Variants in UIMC1 observed in about 807,000 individuals in gnomAD.
UIMC1 encodes BRCA1-A complex subunit RAP80.
Under a neutral mutation model 84.9 loss-of-function variants are expected in UIMC1, and 42 were observed. That is an observed-to-expected ratio of 0.49 (90% CI 0.39 to 0.64). The LOEUF (loss-of-function observed/expected upper bound fraction) is 0.64. UIMC1 is among the 30% of genes least tolerant of loss of function. UIMC1 has a pLI of 0.00. For synonymous variants in UIMC1, 281 were observed against 293.0 expected, an observed-to-expected ratio of 0.96 and a Z score of 0.42; for missense variants, 825 against 847.6, an observed-to-expected ratio of 0.97 and a Z score of 0.33.
intron 9 of UIMC1, among the ~76,000 whole-genome samples, chr5:176,947,634 C>T (rs933493117): frequency 6.6e-6 from 1 of 151,864 alleles, no homozygotes; most frequent in African/African-American, 2.4e-5. Context: ...CTGGCTAACA[C>T]GGTGAAACCC....
intron 10 of UIMC1, among the ~76,000 whole-genome samples, chr5:176,918,845 C>T (rs1457470588): frequency 1.3e-5 from 2 of 152,160 alleles, no homozygotes; most frequent in Non-Finnish European, 2.9e-5. Flanking sequence ...TAAATACAGC[C>T]CTCCTACTTA....
intron 10 of UIMC1, among the ~76,000 whole-genome samples, chr5:176,933,463 T>C (rs560145156): frequency 1.2e-4 from 19 of 152,300 alleles, no homozygotes; most frequent in African/African-American, 4.6e-4. Flanking sequence ...ACATATAATC[T>C]AGTAATTACA....
intron 10 of UIMC1, among the ~76,000 whole-genome samples, chr5:176,927,610 G>A (rs967470636): frequency 1.3e-4 from 20 of 152,072 alleles, no homozygotes; most frequent in Non-Finnish European, 2.2e-4. Context: ...CACATGAAAC[G>A]CAATATGTAA....
At chr5:176,928,241 T>G (rs1310566315) in intron 10 of UIMC1, among the ~76,000 whole-genome samples, 2 of 152,154 alleles carry the variant, frequency 1.3e-5, no homozygotes, top group Non-Finnish European at 2.9e-5. Context: ...CAGAGTTGAG[T>G]AGCAGTGGCA....
At chr5:176,967,353 A>C (rs1768459932) in intron 6 of UIMC1, among the ~76,000 whole-genome samples, 1 of 152,156 alleles carries the variant, frequency 6.6e-6, no homozygotes. Context: ...TTAGGATATT[A>C]AATGAAAAAA....
chr5:176,943,297 A>G, intron 10 of UIMC1, 38 bp downstream of exon 10: 1 of 1,601,010 alleles, frequency 6.2e-7, no homozygotes, highest in Non-Finnish European at 8.5e-7. Context: ...ACCACCACAC[A>G]AAAAAGTAAG....
intron 10 of UIMC1, among the ~76,000 whole-genome samples, chr5:176,915,974 G>A (rs1188299652): frequency 1.3e-5 from 2 of 152,100 alleles, no homozygotes; most frequent in African/African-American, 4.8e-5. Flanking sequence ...AATTTGAAGG[G>A]AGAGACTTGA....
rs115060207 is a variant in UIMC1 at position 176,922,859 on chromosome 5, T to C, written c.1598-11470A>G. On this transcript the variant is annotated intron_variant, in intron 10 of 14. Coordinates refer to ENST00000511320, the MANE Select transcript of UIMC1 (RefSeq NM_001199298.2). ...AAGTACTAGTAAGGAAGTAGATCAG[T>C]AAAAGTGCACCTCTTAAGAGAACAG... Among the ~76,000 whole-genome samples the C allele has an allele frequency of 4.0e-3, 613 of 152,372 alleles. 6 individuals carry two copies. The highest frequency in any genetic ancestry group is 0.014 in the African/African-American group (587 of 41,594).
At chr5:176,967,456 C>T (rs75092556) in intron 6 of UIMC1, among the ~76,000 whole-genome samples, 1 of 152,050 alleles carries the variant, frequency 6.6e-6, no homozygotes, top group Non-Finnish European at 1.5e-5. Flanking sequence ...TGGAAGGATA[C>T]ACTAGAACTA....
intron 1 of UIMC1, among the ~76,000 whole-genome samples, chr5:176,990,279 T>A (rs1467398264): frequency 1.3e-5 from 2 of 151,714 alleles, no homozygotes; most frequent in African/African-American, 4.8e-5. Flanking sequence ...AAGAGAGGCC[T>A]AAGAGAACCT....
chr5:176,905,425 C>G lies in UIMC1; in HGVS notation c.2017G>C (p.Asp673His). The G allele has an allele frequency of 6.2e-7, 1 of 1,614,154 alleles. No individual in the cohort carries two copies. Among genetic ancestry groups the G allele is most frequent in the Non-Finnish European group, 8.5e-7 (1 of 1,180,012 alleles). The change falls in exon 15 of 15, where the codon GAC (aspartate) becomes CAC (histidine). Residue 673 changes from aspartate to histidine, a missense_variant. Asp to His is a moderately conservative substitution (Grantham distance 81, BLOSUM62 -1). Coordinates refer to ENST00000511320, the MANE Select transcript of UIMC1 (RefSeq NM_001199298.2). ...GACTTGACGGGAGATTCATTTAAGT[C>G]ACGACGTGTGAAAGAACTCTGCATC... The part of the protein sequence containing the change: ...REMQSSFTRR[D>H]LNESPVKSFV...
Position 176,906,012 on chromosome 5 carries a change from T to C in UIMC1, c.1948A>G (p.Arg650Gly), listed in dbSNP as rs1250705462. ...DIKSSETGAF[R>G]VPSPGMEEAG... ...AATTCAGTGCACAATCCAATTCACC[T>C]GAAGGCTCCTGTTTCTGAAGACTTG... Residue 650 changes from arginine to glycine, a missense_variant and splice_region_variant, in exon 14 of 15, where the codon AGG (arginine) becomes GGG (glycine). By Grantham distance (125) the Arg-to-Gly change is moderately radical. Coordinates refer to ENST00000511320, the MANE Select transcript of UIMC1 (RefSeq NM_001199298.2). 4 of 1,613,960 alleles carry C rather than the reference T, an allele frequency of 2.5e-6. No individual in the cohort carries two copies. Among genetic ancestry groups the C allele is most frequent in the Non-Finnish European group, 3.4e-6 (4 of 1,179,962 alleles).
At chr5:176,995,843 C>CA (rs34672103) in intron 1 of UIMC1, among the ~76,000 whole-genome samples, 812 of 79,438 alleles carry the variant, frequency 0.01, 9 homozygotes, top group African/African-American at 0.024. Flanking sequence ...AACTCCATCT[C>CA]AAAAAAAAAA....
At chr5:177,003,014 A>G (rs1435011801) in intron 1 of UIMC1, among the ~76,000 whole-genome samples, 2 of 152,090 alleles carry the variant, frequency 1.3e-5, no homozygotes, top group Non-Finnish European at 2.9e-5. Context: ...CAGGATACGC[A>G]CCTATAAATA....
intron 10 of UIMC1, among the ~76,000 whole-genome samples, chr5:176,941,471 A>C (rs1323086872): frequency 1.3e-5 from 2 of 152,228 alleles, no homozygotes; most frequent in East Asian, 3.8e-4. Context: ...AAAAATCAAC[A>C]AATTTATTAA....
chr5:176,936,690 G>A (rs1295253040), intron 10 of UIMC1, among the ~76,000 whole-genome samples: 1 of 152,048 alleles, frequency 6.6e-6, no homozygotes, highest in Admixed American at 6.6e-5. Context: ...ACACCTCAGG[G>A]TTTTTGCATT....
intron 2 of UIMC1, among the ~76,000 whole-genome samples, chr5:176,977,582 C>CAAA (rs1270486136): frequency 1.0e-4 from 5 of 47,762 alleles, no homozygotes; most frequent in Admixed American, 6.0e-4. Context: ...GACTCCATCT[C>CAAA]AAAAAAAAAA....
chr5:176,911,415 A>G, intron 10 of UIMC1, 26 bp from the exon 11 acceptor site: 1 of 1,449,338 alleles, frequency 6.9e-7, no homozygotes, highest in Non-Finnish European at 9.2e-7. Flanking sequence ...ATATATATAT[A>G]TACACATAGT....
intron 10 of UIMC1, among the ~76,000 whole-genome samples, chr5:176,912,672 A>T (rs1345835282): frequency 1.7e-4 from 23 of 134,656 alleles, no homozygotes; most frequent in African/African-American, 2.5e-4. Flanking sequence ...ATTTTTATTT[A>T]TTTTTTTTTT....
Sources: allele counts gnomAD v4.1 joint callset (sites outside exome capture counted in the v4.1 genomes callset), GRCh38; gene constraint gnomAD v4.1.1; transcripts MANE v1.5; gene names NCBI Gene and HGNC (gene_info 2026-07-23, HGNC 2026-07-21).